Variants in SGCD observed in about 807,000 individuals in gnomAD.
The protein encoded by SGCD is delta-sarcoglycan.
A neutral mutation model predicts 36.6 loss-of-function variants in SGCD; 18 were observed. The observed-to-expected ratio is 0.49, with a 90% CI of 0.34 to 0.73. SGCD has a LOEUF of 0.73. SGCD is among the 30% of genes least tolerant of loss of function. The probability of loss-of-function intolerance (pLI) is 0.01; values close to 1 mark genes in which losing one functional copy is unlikely to be tolerated. For synonymous variants in SGCD, 133 were observed against 130.6 expected (o/e 1.02, Z -0.12); for missense variants, 387 against 346.7 (o/e 1.12, Z -0.92).
intron 3 of SGCD, among the ~76,000 whole-genome samples, chr5:156,217,719 A>C (rs535338304): frequency 1.9e-4 from 29 of 152,284 alleles, no homozygotes; most frequent in Middle Eastern, 6.8e-3. Flanking sequence ...GGCATAAATA[A>C]ATTAATTTAA....
intron 1 of SGCD, among the ~76,000 whole-genome samples, chr5:155,979,832 A>C (rs1282284992): frequency 6.6e-6 from 1 of 152,162 alleles, no homozygotes; most frequent in Non-Finnish European, 1.5e-5. Context: ...ATGATACTGG[A>C]GTACCCACTG....
chr5:156,308,731 A>G (rs912349894), intron 3 of SGCD, among the ~76,000 whole-genome samples: 22 of 152,144 alleles, frequency 1.4e-4, no homozygotes, highest in African/African-American at 4.3e-4. Flanking sequence ...GGGGATTACA[A>G]TTTGAGATGA....
chr5:155,785,141 A>G, the SGCD span, among the ~76,000 whole-genome samples: 2 of 152,168 alleles, frequency 1.3e-5, no homozygotes, highest in East Asian at 1.9e-4. Context: ...TGATGCATAG[A>G]AAATATCTGA....
intron 5 of SGCD, among the ~76,000 whole-genome samples, chr5:156,591,150 C>A (rs931752468): frequency 2.6e-4 from 40 of 152,122 alleles, no homozygotes; most frequent in Admixed American, 3.3e-4. Context: ...AAGCACCCAG[C>A]CATCCCAGCA....
chr5:156,613,482 A>C (rs747221130), intron 6 of SGCD, among the ~76,000 whole-genome samples: 2 of 152,194 alleles, frequency 1.3e-5, no homozygotes, highest in African/African-American at 4.8e-5. Context: ...TCTCACTGTC[A>C]TATGTATTCT....
the SGCD span, among the ~76,000 whole-genome samples, chr5:155,819,392 ATC>A: frequency 5.4e-3 from 822 of 152,274 alleles, 3 homozygotes; most frequent in Middle Eastern, 0.017. Flanking sequence ...TATATTAACG[ATC>A]TCTCACTTGG....
chr5:156,610,630 GC>G (rs1761749072), intron 6 of SGCD, among the ~76,000 whole-genome samples: 1 of 152,370 alleles, frequency 6.6e-6, no homozygotes, highest in Non-Finnish European at 1.5e-5. Context: ...GCTATGCCCT[GC>G]CCCCGGAGGT....
chr5:156,141,590 C>A (rs1214061167), intron 3 of SGCD, among the ~76,000 whole-genome samples: 1 of 152,122 alleles, frequency 6.6e-6, no homozygotes, highest in Non-Finnish European at 1.5e-5. Context: ...TAGATCAATG[C>A]AGTGGTTTTT....
chr5:156,637,151 A>G (rs993164622), intron 6 of SGCD, among the ~76,000 whole-genome samples: 3 of 152,006 alleles, frequency 2.0e-5, no homozygotes, highest in African/African-American at 7.3e-5. Flanking sequence ...TGGTTTTTTA[A>G]GGGGCTTTTC....
chr5:156,090,637 A>G (rs1332671542), intron 1 of SGCD, among the ~76,000 whole-genome samples: 1 of 152,178 alleles, frequency 6.6e-6, no homozygotes, highest in Admixed American at 6.5e-5. Context: ...AGAGCAGACA[A>G]CCGGTCTGAC....
chr5:156,643,024 G>GTT (rs201396237), intron 6 of SGCD, among the ~76,000 whole-genome samples: 5 of 111,206 alleles, frequency 4.5e-5, no homozygotes, highest in African/African-American at 7.2e-5. Context: ...GGGGTTTTTT[G>GTT]TTTTTTTTTT....
At position 156,425,178 on chromosome 5, in the gene SGCD, A is replaced by G. The variant is rs183608754; in HGVS notation, c.192+80501A>G. Among the ~76,000 whole-genome samples, 22 of 152,104 alleles carry G rather than the reference A, an allele frequency of 1.4e-4. 1 individual carries two copies. In the East Asian group the frequency reaches 4.1e-3, roughly 28 times the overall value. On this transcript the variant is annotated intron_variant, in intron 3 of 8. Coordinates refer to ENST00000337851, the MANE Select transcript of SGCD (RefSeq NM_000337.6). ...CTCTTTTCTTGCCCATTTTGTTTTC[A>G]TTATCTGTCAGTGCACTGAAAGCTG... is the stretch of plus-strand genomic sequence containing the variant.
At chr5:155,836,042 G>A in the SGCD span, among the ~76,000 whole-genome samples, 1 of 152,142 alleles carries the variant, frequency 6.6e-6, no homozygotes, top group Admixed American at 6.5e-5. Flanking sequence ...TATCCCCTGT[G>A]GATAACAGGG....
At chr5:156,136,367 C>T (rs1052127361) in intron 3 of SGCD, among the ~76,000 whole-genome samples, 2 of 152,214 alleles carry the variant, frequency 1.3e-5, no homozygotes, top group Non-Finnish European at 2.9e-5. Context: ...CTACCTCGGC[C>T]TCCCAAAATG....
chr5:156,554,903 T>C (rs1758958099), intron 4 of SGCD, among the ~76,000 whole-genome samples: 1 of 152,112 alleles, frequency 6.6e-6, no homozygotes, highest in South Asian at 2.1e-4. Context: ...CCAACACTTG[T>C]TTTCTGTTTC....
intron 4 of SGCD, among the ~76,000 whole-genome samples, chr5:156,557,086 T>C (rs999536407): frequency 6.6e-6 from 1 of 152,182 alleles, no homozygotes; most frequent in Non-Finnish European, 1.5e-5. Context: ...TCCTAAGAAG[T>C]ATTCCTCATT....
intron 3 of SGCD, among the ~76,000 whole-genome samples, chr5:156,399,495 G>A (rs745810441): frequency 6.6e-6 from 1 of 152,182 alleles, no homozygotes; most frequent in African/African-American, 2.4e-5. Flanking sequence ...TGGCTTTACT[G>A]GCCAGCTTCC....
chr5:156,359,244 A>G (rs990468406), intron 3 of SGCD, among the ~76,000 whole-genome samples: 1 of 152,210 alleles, frequency 6.6e-6, no homozygotes, highest in Non-Finnish European at 1.5e-5. Flanking sequence ...GCTGGTTTAT[A>G]ACAAGTCTTT....
intron 4 of SGCD, among the ~76,000 whole-genome samples, chr5:156,571,030 A>G (rs879430648): frequency 2.7e-5 from 4 of 149,890 alleles, no homozygotes; most frequent in Non-Finnish European, 6.0e-5. Context: ...CTTTCTTTTC[A>G]TCTTTTTTGT....
Sources: allele counts gnomAD v4.1 joint callset (sites outside exome capture counted in the v4.1 genomes callset), GRCh38; gene constraint gnomAD v4.1.1; transcripts MANE v1.5; gene names NCBI Gene and HGNC (gene_info 2026-07-23, HGNC 2026-07-21).